SYNE1: variants seen among roughly 807,000 people sequenced by gnomAD.
SYNE1 encodes the protein nesprin-1.
Under a neutral mutation model 1,111.0 loss-of-function variants are expected in SYNE1, and 616 were observed. That is an observed-to-expected ratio of 0.55 (90% CI 0.52 to 0.59). The LOEUF is 0.59. SYNE1 is among the 20% of genes least tolerant of loss of function. SYNE1 has a pLI of 0.00. For synonymous variants in SYNE1, 3,855 were observed against 3,825.8 expected, an observed-to-expected ratio of 1.01 and a Z score of -0.28; for missense variants, 10,006 against 10,417.0, an observed-to-expected ratio of 0.96 and a Z score of 1.72.
chr6:152,218,838 T>C lies in SYNE1; in HGVS notation c.22044+165A>G, dbSNP rs78722002. Among the ~76,000 whole-genome samples, 2,259 of 150,242 alleles carry C rather than the reference T, an allele frequency of 0.015. 56 individuals carry two copies. Among genetic ancestry groups the C allele is most frequent in the African/African-American group, 0.054 (2,158 of 39,602 alleles). On this transcript the variant is annotated intron_variant, in intron 120 of 145. Coordinates refer to ENST00000367255, the MANE Select transcript of SYNE1 (RefSeq NM_182961.4). ...CCTTGGCAGAGAACAGCGCAAAACG[T>C]CCACCTTCATCGTCCCCACCAGAAC... is the stretch of plus-strand genomic sequence containing the variant.
intron 51 of SYNE1, among the ~76,000 whole-genome samples, chr6:152,395,105 T>A (rs1190714111): frequency 2.0e-5 from 3 of 152,012 alleles, no homozygotes; most frequent in Admixed American, 6.5e-5. Context: ...TTCTTTTTTT[T>A]ATCTTTACAG....
intron 3 of SYNE1, among the ~76,000 whole-genome samples, chr6:152,593,633 C>T (rs977074835): frequency 6.6e-6 from 1 of 151,926 alleles, no homozygotes; most frequent in Non-Finnish European, 1.5e-5. Flanking sequence ...CATTCAAGGA[C>T]TCTATAGTTG....
intron 98 of SYNE1, among the ~76,000 whole-genome samples, chr6:152,273,887 C>T (rs1187971114): frequency 1.3e-5 from 2 of 152,132 alleles, no homozygotes; most frequent in Non-Finnish European, 2.9e-5. Context: ...CTTGTTTAAT[C>T]CCTCTTGTGC....
At chr6:152,333,975 C>A in intron 77 of SYNE1, 33 bp downstream of exon 77, 1 of 1,614,008 alleles carries the variant, frequency 6.2e-7, no homozygotes, top group East Asian at 2.2e-5. Context: ...TCTGGCTTAG[C>A]ATTTTGGTGA....
rs370449242 is a variant in SYNE1, at chr6:152,430,092, A to G, written c.4788+20T>C. The G allele has an allele frequency of 3.9e-5, 58 of 1,496,686 alleles. No individual in the cohort carries two copies. The highest frequency in any genetic ancestry group is 1.8e-4 in the Middle Eastern group (1 of 5,440). 92.7% of individuals were successfully genotyped at this position (1,496,686 alleles called of 1,614,324 possible). On this transcript the variant is annotated intron_variant, in intron 36 of 145. Transcript: ENST00000367255. Reference sequence around the variant, plus strand: ...AATTTTAAGTTGGTAAATAGTAGAAATGTTGAAGCATACTCTTACCATATG... The same window carrying G: ...AATTTTAAGTTGGTAAATAGTAGAAGTGTTGAAGCATACTCTTACCATATG...
chr6:152,236,293 G>T lies in SYNE1; in HGVS notation c.20210C>A (p.Ser6737Tyr), dbSNP rs898511688. 12 of 1,611,112 alleles carry T rather than the reference G, an allele frequency of 7.4e-6. No homozygotes were observed. The highest frequency in any genetic ancestry group is 1.0e-5 in the Non-Finnish European group (12 of 1,177,654). ...DRITLYQHLK[S>Y]SLNEYQPKLY... ...TTTGGGCTGGTATTCATTAAGGCTAGATTTTAAATGCTAAAATATTGAAAT... is the reference window on the plus strand; with the variant it reads ...TTTGGGCTGGTATTCATTAAGGCTATATTTTAAATGCTAAAATATTGAAAT... Residue 6737 changes from serine (S) to tyrosine (Y), a missense_variant, in exon 110 of 146, where the codon TCT (serine) becomes TAT (tyrosine). By Grantham distance (144) the Ser-to-Tyr change is moderately radical. Coordinates refer to ENST00000367255, the MANE Select transcript of SYNE1 (RefSeq NM_182961.4).
chr6:152,335,359 G>A (rs2153985326), intron 76 of SYNE1: 1 of 152,240 alleles, frequency 6.6e-6, no homozygotes, highest in Non-Finnish European at 1.5e-5. Context: ...CTGAATGGTA[G>A]TATCATAAGT....
At chr6:152,140,415 C>T (rs1221662859) in intron 139 of SYNE1, among the ~76,000 whole-genome samples, 2 of 152,020 alleles carry the variant, frequency 1.3e-5, no homozygotes, top group South Asian at 2.1e-4. Context: ...AAGAGCTTTA[C>T]GAAGTAATAA....
At chr6:152,570,895 A>G (rs996456690) in intron 3 of SYNE1, among the ~76,000 whole-genome samples, 1 of 152,176 alleles carries the variant, frequency 6.6e-6, no homozygotes, top group South Asian at 2.1e-4. Context: ...TCTATCTAGG[A>G]GCTCTCTCCT....
At chr6:152,484,263 T>C (rs574366419) in intron 13 of SYNE1, among the ~76,000 whole-genome samples, 1 of 152,112 alleles carries the variant, frequency 6.6e-6, no homozygotes, top group South Asian at 2.1e-4. Flanking sequence ...AAGACAAATA[T>C]TCTTATTAGT....
intron 98 of SYNE1, among the ~76,000 whole-genome samples, chr6:152,273,767 C>T (rs2093389587): frequency 6.6e-6 from 1 of 152,226 alleles, no homozygotes; most frequent in Non-Finnish European, 1.5e-5. Flanking sequence ...AGCTTAGTAA[C>T]AGCTGCTTCT....
chr6:152,121,782 T>C lies in SYNE1; in HGVS notation c.*654A>G, dbSNP rs927011080. On this transcript the variant is annotated 3_prime_UTR_variant, in exon 146 of 146. Coordinates refer to ENST00000367255, the MANE Select transcript of SYNE1 (RefSeq NM_182961.4). Reference sequence around the variant, plus strand: ...TACATAAATATCTTTTTTTTTTTACTATAACATTCAACTTTTTTCACATAA... The same window carrying C: ...TACATAAATATCTTTTTTTTTTTACCATAACATTCAACTTTTTTCACATAA... 2 of 152,650 alleles carry C rather than the reference T, an allele frequency of 1.3e-5. No individual in the cohort carries two copies. The highest frequency in any genetic ancestry group is 2.9e-5 in the Non-Finnish European group (2 of 68,218). The allele number at this position is 152,650 out of a possible 1,614,324, so 9.5% of individuals were successfully genotyped here.
At chr6:152,624,343 A>T (rs979258286) in intron 3 of SYNE1, among the ~76,000 whole-genome samples, 2 of 152,180 alleles carry the variant, frequency 1.3e-5, no homozygotes, top group African/African-American at 4.8e-5. Flanking sequence ...CAGTATGTTC[A>T]CATTTAAAAT....
intron 6 of SYNE1, 61 bp downstream of exon 6, chr6:152,520,398 T>A: frequency 3.2e-6 from 5 of 1,552,132 alleles, no homozygotes; most frequent in Admixed American, 1.7e-5. Context: ...GAGCCAATAC[T>A]GAAAACATAA....
chr6:152,174,142 C>G (rs1310091952), intron 130 of SYNE1, among the ~76,000 whole-genome samples: 1 of 152,146 alleles, frequency 6.6e-6, no homozygotes, highest in Non-Finnish European at 1.5e-5. Context: ...ATAATATTAA[C>G]TAGTTTAACT....
intron 63 of SYNE1, among the ~76,000 whole-genome samples, 189 bp downstream of exon 63, chr6:152,364,658 G>A (rs1234361866): frequency 6.8e-6 from 1 of 146,862 alleles, no homozygotes; most frequent in East Asian, 2.0e-4. Context: ...AGGAAAGGGA[G>A]TGAGGGAGGG....
intron 26 of SYNE1, 80 bp downstream of exon 26, chr6:152,450,967 C>G (rs1046150284): frequency 6.2e-7 from 1 of 1,606,696 alleles, no homozygotes; most frequent in East Asian, 2.2e-5. Flanking sequence ...TTTTCAGACT[C>G]AAACCAAAAT....
In SYNE1 at chr6:152,493,752, C is replaced by T. The variant is rs370856853; in HGVS notation, c.939+4990G>A. Among the ~76,000 whole-genome samples, 231 of 152,266 alleles carry T rather than the reference C, an allele frequency of 1.5e-3. 1 individual carries two copies. Among genetic ancestry groups the T allele is most frequent in the African/African-American group, 5.1e-3 (212 of 41,550 alleles). On this transcript the variant is annotated intron_variant, in intron 11 of 145. Coordinates refer to ENST00000367255, the MANE Select transcript of SYNE1 (RefSeq NM_182961.4). ...ATATGCTCTCCCTGTTGATCGTGTCCGGCTAATCTCCCAAACCCCAACCCC... is the reference window on the plus strand; with the variant it reads ...ATATGCTCTCCCTGTTGATCGTGTCTGGCTAATCTCCCAAACCCCAACCCC...
chr6:152,418,168 CTTGTAA>C (rs754202246), intron 40 of SYNE1, among the ~76,000 whole-genome samples: 105 of 152,298 alleles, frequency 6.9e-4, no homozygotes, highest in Middle Eastern at 3.4e-3. Context: ...CTTTAGAAAA[CTTGTAA>C]TTGTAAATTT....
Sources: gnomAD v4.1 joint callset for allele counts (sites outside exome capture counted in the v4.1 genomes callset) on GRCh38, gnomAD v4.1.1 for gene constraint, MANE v1.5 for transcripts, NCBI Gene and HGNC (gene_info 2026-07-23, HGNC 2026-07-21) for gene names.